Variants in HEY1 observed in about 807,000 individuals in gnomAD.
HEY1 encodes hes related family bHLH transcription factor with YRPW motif 1.
Under a neutral mutation model 28.7 loss-of-function variants are expected in HEY1, and 9 were observed. The observed-to-expected ratio is 0.31, with a 90% CI of 0.19 to 0.55. The LOEUF is 0.55. Among genes scored for constraint, HEY1 ranks in the 20% least tolerant of loss-of-function variants. The pLI is 0.93. For missense variants in HEY1, 385 were observed against 399.4 expected (o/e 0.96, Z 0.31); for synonymous variants, 213 against 175.6 (o/e 1.21, Z -1.68).
chr8:79,765,280 A>T lies in HEY1; in HGVS notation c.823T>A (p.Ser275Thr), dbSNP rs1177720192. ...PFSFGSFHLL[S>T]PNALSPSAPT... The stretch of plus-strand genomic sequence containing the variant: ...GCTGAAGGGCTCAGTGCATTGGGAG[A>T]CAGTAAGTGGAAGGAGCCGAAAGAG... The change falls in exon 5 of 5, where the codon TCT becomes ACT. Residue 275 changes from serine to threonine, a missense_variant. Ser to Thr is a moderately conservative substitution (Grantham distance 58). Transcript: ENST00000354724. 6.4e-7 allele frequency: 1 copy of T among 1,555,626 alleles called. No individual in the cohort carries two copies. The highest frequency in any genetic ancestry group is 1.2e-5 in the South Asian group (1 of 84,382).
At chr8:79,766,201 A>G in intron 4 of HEY1, 1 of 1,534,222 alleles carries the variant, frequency 6.5e-7, no homozygotes, top group Non-Finnish European at 8.7e-7. Flanking sequence ...ATACACACAG[A>G]CCTTGGTCTC....
chr8:79,766,379 A>G, intron 4 of HEY1: 1 of 1,460,610 alleles, frequency 6.8e-7, no homozygotes, highest in Non-Finnish European at 9.0e-7. Flanking sequence ...GATCTGAATC[A>G]GGGCTGTCAC....
chr8:79,767,152 C>CA lies in HEY1; in HGVS notation c.166-61dup, dbSNP rs879205886. 4.5e-4 allele frequency: 701 copies of CA among 1,541,206 alleles called. 1 individual carries two copies. Among genetic ancestry groups the CA allele is most frequent in the South Asian group, 7.0e-4 (59 of 84,854 alleles). On this transcript the variant is annotated intron_variant, in intron 2 of 4. Coordinates refer to ENST00000354724, the MANE Select transcript of HEY1 (RefSeq NM_012258.4). ...CCATTACGACTGTAAATTTCAAAGA[C>CA]AAAAAAAAAGGTGGTTATTTCCGTT...
At chr8:79,766,336 C>G in intron 4 of HEY1, 1 of 1,498,696 alleles carries the variant, frequency 6.7e-7, no homozygotes, top group Non-Finnish European at 8.8e-7. Flanking sequence ...TGCTTTTTCT[C>G]AAAATAGCAA....
At position 79,765,386 on chromosome 8, in the gene HEY1, C is replaced by T; in HGVS notation, c.717G>A (p.Pro239=). 4.4e-6 allele frequency: 7 copies of T among 1,599,614 alleles called. No homozygotes were observed. The highest frequency in any genetic ancestry group is 6.0e-6 in the Non-Finnish European group (7 of 1,173,218). The part of the protein sequence containing the change: ...LRAPPSGSLG[P]VLPVVTSASK... ...AGGCGGAGGTGACCACAGGGAGCAC[C>T]GGTCCGAGGCTGCCGCTAGGGGGCG... Residue 239 remains proline, a synonymous_variant, in exon 5 of 5, where the codon CCG becomes CCA. Coordinates refer to ENST00000354724, the MANE Select transcript of HEY1 (RefSeq NM_012258.4).
intron 4 of HEY1, among the ~76,000 whole-genome samples, chr8:79,765,988 C>T (rs1323205825): frequency 6.6e-6 from 1 of 152,220 alleles, no homozygotes; most frequent in Non-Finnish European, 1.5e-5. Context: ...TTAGAAGCTG[C>T]AGAGCAGAAA....
rs904762629 is a variant in HEY1, at chr8:79,764,483, G to A, written c.*705C>T. ...TCCAAATGAGACCTAACCTATCAGC[G>A]GCTCTCTCCTAACTAAATCAGAACT... On this transcript the variant is annotated 3_prime_UTR_variant, in exon 5 of 5. Transcript: ENST00000354724. 3.0e-4 allele frequency: 68 copies of A among 226,802 alleles called. No individual in the cohort carries two copies. Among genetic ancestry groups the A allele is most frequent in the African/African-American group, 2.0e-4 (9 of 44,920 alleles). The allele number at this position is 226,802 out of a possible 1,614,324, so 14.0% of individuals were successfully genotyped here.
chr8:79,765,087 T>G lies in HEY1; in HGVS notation c.*101A>C. ...AAAAAAATTATCTGAAAGTGTACCT[T>G]TTTCCTTTTTACTTTTACTGACGAC... On this transcript the variant is annotated 3_prime_UTR_variant, in exon 5 of 5. Coordinates refer to ENST00000354724, the MANE Select transcript of HEY1 (RefSeq NM_012258.4). The G allele has an allele frequency of 1.4e-6, 1 of 733,930 alleles. No homozygotes were observed. The allele number at this position is 733,930 out of a possible 1,614,324, so 45.5% of individuals were successfully genotyped here.
intron 4 of HEY1, 160 bp downstream of exon 4, chr8:79,766,491 T>G (rs1807841478): frequency 1.3e-6 from 2 of 1,507,700 alleles, no homozygotes; most frequent in Admixed American, 2.2e-5. Flanking sequence ...AGATTCTATG[T>G]GCATTCGAAA....
intron 1 of HEY1, 133 bp from the exon 2 acceptor site, chr8:79,767,427 TCCCTGG>T: frequency 8.9e-7 from 1 of 1,122,160 alleles, no homozygotes; most frequent in Non-Finnish European, 1.3e-6. Flanking sequence ...ACCTAGGGGT[TCCCTGG>T]CCGCAGGCTG....
At position 79,765,645 on chromosome 8, in the gene HEY1, C is replaced by T. The variant is rs141577372; in HGVS notation, c.458G>A (p.Arg153Gln). 2.5e-6 allele frequency: 4 copies of T among 1,614,096 alleles called. No homozygotes were observed. The highest frequency in any genetic ancestry group is 3.4e-6 in the Non-Finnish European group (4 of 1,180,044). The stretch of plus-strand genomic sequence containing the variant: ...GTAGTTGTTGAGATGCGAAACCAGT[C>T]GAACTCGAAGCGGGTCAGAGGCATC... ...GLDASDPLRV[R>Q]LVSHLNNYAS... The change falls in exon 5 of 5, where the codon CGA becomes CAA. Residue 153 changes from arginine to glutamine, a missense_variant. Arg to Gln is a conservative substitution (Grantham distance 43). Coordinates refer to ENST00000354724, the MANE Select transcript of HEY1 (RefSeq NM_012258.4).
intron 4 of HEY1, chr8:79,766,213 C>G (rs1203561612): frequency 2.6e-6 from 4 of 1,534,878 alleles, no homozygotes; most frequent in Non-Finnish European, 3.5e-6. Flanking sequence ...CTTGGTCTCC[C>G]GTTAGGTTTC....
In HEY1 at chr8:79,767,726, C is replaced by G; in HGVS notation, c.-63G>C. 3 of 1,209,370 alleles carry G rather than the reference C, an allele frequency of 2.5e-6. No individual in the cohort carries two copies. Among genetic ancestry groups the G allele is most frequent in the Non-Finnish European group, 3.5e-6 (3 of 845,576 alleles). The allele number at this position is 1,209,370 out of a possible 1,614,324, so 74.9% of individuals were successfully genotyped here. On this transcript the variant is annotated 5_prime_UTR_variant, in exon 1 of 5. Transcript: ENST00000354724. The stretch of plus-strand genomic sequence containing the variant: ...GCGGGCAGGGAGGAGTTAACTACAG[C>G]GGCGCCTCTCCGCTCTCGGCTGCTT...
rs558048152 is a variant in HEY1 at position 79,764,215 on chromosome 8, A to G, written c.*973T>C. On this transcript the variant is annotated 3_prime_UTR_variant, in exon 5 of 5. Transcript: ENST00000354724. Reference sequence around the variant, plus strand: ...CTTGGCAACCACAGTTCCATGCACCAAAAGGAAAACTCACATAAAAATTTC... The same window carrying G: ...CTTGGCAACCACAGTTCCATGCACCGAAAGGAAAACTCACATAAAAATTTC... The G allele has an allele frequency of 5.0e-5, 11 of 219,078 alleles. No individual in the cohort carries two copies. The South Asian group carries it at 2.0e-3, about 41-fold the overall frequency. 13.6% of individuals were successfully genotyped at this position (219,078 alleles called of 1,614,324 possible).
chr8:79,765,151 T>G lies in HEY1; in HGVS notation c.*37A>C. Reference sequence around the variant, plus strand: ...TGGCAACAGTCCAGCCCAGCTGGGATTTTAAACTTTCCCCTCCCTCATTCT... The same window carrying G: ...TGGCAACAGTCCAGCCCAGCTGGGAGTTTAAACTTTCCCCTCCCTCATTCT... On this transcript the variant is annotated 3_prime_UTR_variant, in exon 5 of 5. Transcript: ENST00000354724. The G allele has an allele frequency of 6.9e-7, 1 of 1,439,512 alleles. No individual in the cohort carries two copies. Among genetic ancestry groups the G allele is most frequent in the Non-Finnish European group, 9.4e-7 (1 of 1,066,940 alleles). The allele number at this position is 1,439,512 out of a possible 1,614,324, so 89.2% of individuals were successfully genotyped here.
rs1807809535 is a variant in HEY1, at chr8:79,765,492, G to A, written c.611C>T (p.Ala204Val). The change falls in exon 5 of 5, where the codon GCG becomes GTG. Residue 204 changes from alanine to valine, a missense_variant. By Grantham distance (64) the Ala-to-Val change is moderately conservative. Transcript: ENST00000354724. ...TTCCGTGGGTGAGGCCGTGGTGCCC[G>A]CGTTCCCGTGGCCGTTCTGGGGCAG... is the stretch of plus-strand genomic sequence containing the variant. ...LLLPQNGHGN[A>V]GTTASPTEPH... 6.2e-7 allele frequency: 1 copy of A among 1,613,510 alleles called. No homozygotes were observed. The highest frequency in any genetic ancestry group is 8.5e-7 in the Non-Finnish European group (1 of 1,179,780).
chr8:79,765,852 G>A lies in HEY1; in HGVS notation c.332-81C>T, dbSNP rs1219581521. On this transcript the variant is annotated intron_variant, in intron 4 of 4. Transcript: ENST00000354724. ...TAAGTCCCAGAGACAGCCCTTCCTG[G>A]CAGATACCTGCATCCCTTAAAACAC... is the stretch of plus-strand genomic sequence containing the variant. The A allele has an allele frequency of 2.4e-5, 28 of 1,173,352 alleles. 1 individual carries two copies. The highest frequency in any genetic ancestry group is 4.0e-4 in the Middle Eastern group (2 of 5,028). 72.7% of individuals were successfully genotyped at this position (1,173,352 alleles called of 1,614,324 possible).
rs1807884131 is a variant in HEY1 at position 79,767,745 on chromosome 8, G to A, written c.-82C>T. 2.0e-6 allele frequency: 2 copies of A among 996,862 alleles called. No homozygotes were observed. The highest frequency in any genetic ancestry group is 1.5e-6 in the Non-Finnish European group (1 of 654,934). The allele number at this position is 996,862 out of a possible 1,614,324, so 61.8% of individuals were successfully genotyped here. ...CTACAGCGGCGCCTCTCCGCTCTCG[G>A]CTGCTTGCGTTCCGCACACACTGAT... On this transcript the variant is annotated 5_prime_UTR_variant, in exon 1 of 5. Coordinates refer to ENST00000354724, the MANE Select transcript of HEY1 (RefSeq NM_012258.4).
At chr8:79,766,568 A>G (rs1432104015) in intron 4 of HEY1, 83 bp downstream of exon 4, 1 of 1,585,546 alleles carries the variant, frequency 6.3e-7, no homozygotes, top group Non-Finnish European at 8.6e-7. Flanking sequence ...AAAATCAGGC[A>G]GCTACTGCAC....
Sources: gnomAD v4.1 joint callset for allele counts (sites outside exome capture counted in the v4.1 genomes callset) on GRCh38, gnomAD v4.1.1 for gene constraint, MANE v1.5 for transcripts, NCBI Gene and HGNC (gene_info 2026-07-23, HGNC 2026-07-21) for gene names.